The following ZC3H7A variants were observed in gnomAD, a reference collection of about 807,000 sequenced individuals.
ZC3H7A encodes the protein zinc finger CCCH-type containing 7A.
Under a neutral mutation model 125.5 loss-of-function variants are expected in ZC3H7A, and 44 were observed. That is an observed-to-expected ratio of 0.35 (90% CI 0.28 to 0.45). The LOEUF (loss-of-function observed/expected upper bound fraction) is 0.45, where lower values mean the gene tolerates loss of function less well. Among genes scored for constraint, ZC3H7A ranks in the 20% least tolerant of loss-of-function variants. ZC3H7A has a pLI of 1.00. For missense variants in ZC3H7A, 977 were observed against 1,170.7 expected (o/e 0.83, Z 2.41); for synonymous variants, 399 against 391.2 (o/e 1.02, Z -0.23).
intron 8 of ZC3H7A, 132 bp from the exon 9 acceptor site, chr16:11,774,651 G>T: frequency 8.8e-7 from 1 of 1,134,866 alleles, no homozygotes; most frequent in Non-Finnish European, 1.2e-6. Flanking sequence ...TGACAGTATA[G>T]TAAAGCAATT....
At chr16:11,762,836 G>A in intron 16 of ZC3H7A, 89 bp from the exon 17 acceptor site, 1 of 1,233,284 alleles carries the variant, frequency 8.1e-7, no homozygotes, top group South Asian at 1.2e-5. Context: ...AGAACCTTCA[G>A]CTTCCAATCT....
At position 11,777,463 on chromosome 16, in the gene ZC3H7A, G is replaced by A. The variant is rs192710344; in HGVS notation, c.307-554C>T. 5.2e-3 allele frequency among the ~76,000 whole-genome samples: 794 copies of A among 152,336 alleles called. 6 individuals carry two copies. The highest frequency in any genetic ancestry group is 0.02 in the Middle Eastern group (6 of 294). ...AGGTTGGGCACAGTGCCTCACAGCT[G>A]TAGTCCCAGCACTTTGGGAGGCCGA... is the stretch of plus-strand genomic sequence containing the variant. On this transcript the variant is annotated intron_variant, in intron 4 of 22. Coordinates refer to ENST00000355758, the MANE Select transcript of ZC3H7A (RefSeq NM_014153.4).
chr16:11,761,171 G>A (rs1490623778), intron 19 of ZC3H7A, among the ~76,000 whole-genome samples: 1 of 152,048 alleles, frequency 6.6e-6, no homozygotes, highest in Non-Finnish European at 1.5e-5. Context: ...CTTTTCCTCA[G>A]ATCCACTATC....
intron 9 of ZC3H7A, among the ~76,000 whole-genome samples, 186 bp downstream of exon 9, chr16:11,774,050 C>CT (rs1477808412): frequency 6.6e-6 from 1 of 151,790 alleles, no homozygotes; most frequent in Admixed American, 6.6e-5. Context: ...AGATAGCATT[C>CT]TTTTTTTATT....
At chr16:11,771,344 C>T (rs1023527788) in intron 9 of ZC3H7A, among the ~76,000 whole-genome samples, 5 of 151,198 alleles carry the variant, frequency 3.3e-5, no homozygotes, top group African/African-American at 9.7e-5. Context: ...GCCAAGATCA[C>T]GCAATTGCAC....
chr16:11,784,410 A>G (rs541990578), intron 1 of ZC3H7A, among the ~76,000 whole-genome samples: 99 of 152,244 alleles, frequency 6.5e-4, no homozygotes, highest in Non-Finnish European at 1.2e-3. Flanking sequence ...CTATTTGTAA[A>G]AGAAAAAGAT....
chr16:11,756,009 A>C (rs576536385), intron 21 of ZC3H7A, among the ~76,000 whole-genome samples: 1 of 152,278 alleles, frequency 6.6e-6, no homozygotes, highest in Non-Finnish European at 1.5e-5. Context: ...CTAAAAATAC[A>C]AAAATTAGCT....
At chr16:11,779,685 A>C (rs2053141848) in intron 3 of ZC3H7A, among the ~76,000 whole-genome samples, 1 of 152,240 alleles carries the variant, frequency 6.6e-6, no homozygotes. Flanking sequence ...TGAATAGTTT[A>C]AGGCTTTTGA....
At chr16:11,779,814 G>A (rs971961468) in intron 3 of ZC3H7A, among the ~76,000 whole-genome samples, 6 of 151,914 alleles carry the variant, frequency 3.9e-5, no homozygotes, top group East Asian at 1.9e-4. Context: ...GTGGGTACCC[G>A]TGCACATATA....
At chr16:11,781,631 T>C (rs1029639019) in intron 2 of ZC3H7A, among the ~76,000 whole-genome samples, 167 bp from the exon 3 acceptor site, 1 of 136,186 alleles carries the variant, frequency 7.3e-6, no homozygotes, top group African/African-American at 3.0e-5. Flanking sequence ...ACTACAGTTA[T>C]GGGAAAAAAA....
At chr16:11,797,055 C>T (rs867102259) in intron 1 of ZC3H7A, 69 bp downstream of exon 1, 3,799 of 134,440 alleles carry the variant, frequency 0.028, 74 homozygotes, top group Non-Finnish European at 0.043. Flanking sequence ...GGCGGCGGCG[C>T]GCGCGGGGGG....
rs2053055577 is a variant in ZC3H7A at position 11,775,005 on chromosome 16, G to A, written c.594C>T (p.Asn198=). 1 of 1,613,964 alleles carries A rather than the reference G, an allele frequency of 6.2e-7. No homozygotes were observed. The highest frequency in any genetic ancestry group is 1.3e-5 in the African/African-American group (1 of 74,916). The part of the protein sequence containing the change: ...VPGDGATKAL[N]HSVEDIEPDL... Reference sequence around the variant, plus strand: ...CTGGCTCAATATCTTCCACAGAATGGTTCAAAGCCTAGAAATTAAACCAAA... The same window carrying A: ...CTGGCTCAATATCTTCCACAGAATGATTCAAAGCCTAGAAATTAAACCAAA... Residue 198 remains asparagine, a synonymous_variant, in exon 8 of 23, where the codon AAC becomes AAT. Coordinates refer to ENST00000355758, the MANE Select transcript of ZC3H7A (RefSeq NM_014153.4).
At chr16:11,756,100 T>C (rs1597532687) in intron 21 of ZC3H7A, 137 bp downstream of exon 21, 1 of 1,245,876 alleles carries the variant, frequency 8.0e-7, no homozygotes, top group Non-Finnish European at 1.1e-6. Context: ...GAGGCGGAGG[T>C]TGCAGTGAGC....
chr16:11,751,637 G>T, intron 22 of ZC3H7A, 131 bp from the exon 23 acceptor site: 1 of 870,334 alleles, frequency 1.1e-6, no homozygotes, highest in Non-Finnish European at 1.7e-6. Flanking sequence ...CTCAAGCCTA[G>T]AATGGTAAAT....
chr16:11,760,270 G>C (rs1255624559), intron 19 of ZC3H7A, among the ~76,000 whole-genome samples: 6 of 152,012 alleles, frequency 3.9e-5, no homozygotes, highest in Non-Finnish European at 8.8e-5. Flanking sequence ...CTAAGCAGCT[G>C]CCTCAGGAAC....
At chr16:11,792,631 T>C (rs1217485728) in intron 1 of ZC3H7A, among the ~76,000 whole-genome samples, 1 of 152,230 alleles carries the variant, frequency 6.6e-6, no homozygotes, top group African/African-American at 2.4e-5. Flanking sequence ...TATTAAGTCA[T>C]TTAATCCTCC....
intron 3 of ZC3H7A, among the ~76,000 whole-genome samples, chr16:11,780,930 G>A (rs985073344): frequency 2.6e-5 from 4 of 151,576 alleles, no homozygotes; most frequent in African/African-American, 9.7e-5. Context: ...TCTCCTAACA[G>A]AAAAAAATGT....
intron 15 of ZC3H7A, 68 bp from the exon 16 acceptor site, chr16:11,763,727 A>AAAG: frequency 1.0e-4 from 1 of 9,930 alleles, no homozygotes; most frequent in African/African-American, 9.3e-4. Flanking sequence ...ATATATATAT[A>AAAG]TATATATATA....
In ZC3H7A at chr16:11,791,132, T is replaced by C. The variant is rs886473312; in HGVS notation, c.-35+5992A>G. On this transcript the variant is annotated intron_variant, in intron 1 of 22. Transcript: ENST00000355758. ...ACACACACACACACACACACACACA[T>C]CCCAATGCTTGCACTCTGCTTAAGA... Among the ~76,000 whole-genome samples the C allele has an allele frequency of 2.9e-4, 28 of 94,952 alleles. 1 individual carries two copies. The East Asian group carries it at 6.4e-3, about 22-fold the overall frequency. The allele number at this position is 94,952 out of a possible 152,430, so 62.3% of individuals were successfully genotyped here.
Sources: gnomAD v4.1 joint callset for allele counts (sites outside exome capture counted in the v4.1 genomes callset) on GRCh38, gnomAD v4.1.1 for gene constraint, MANE v1.5 for transcripts, NCBI Gene and HGNC (gene_info 2026-07-23, HGNC 2026-07-21) for gene names.